HCN1: variants seen among roughly 807,000 people sequenced by gnomAD.
The protein encoded by HCN1 is potassium/sodium hyperpolarization-activated cyclic nucleotide-gated channel 1.
A neutral mutation model predicts 78.9 loss-of-function variants in HCN1; 13 were observed. The observed-to-expected ratio is 0.16, with a 90% CI of 0.11 to 0.26. The LOEUF (loss-of-function observed/expected upper bound fraction) is 0.26. HCN1 is among the 10% of genes least tolerant of loss of function. The pLI, the probability that HCN1 is intolerant of heterozygous loss-of-function variation, is 1.00. For synonymous variants in HCN1, 552 were observed against 455.5 expected (o/e 1.21, Z -2.70); for missense variants, 810 against 1,154.3 (o/e 0.70, Z 4.32).
chr5:45,651,125 C>A (rs1745669344), intron 1 of HCN1, among the ~76,000 whole-genome samples: 1 of 151,950 alleles, frequency 6.6e-6, no homozygotes, highest in Non-Finnish European at 1.5e-5. Context: ...TGACACGGTA[C>A]CAGATTTACA....
At chr5:45,466,248 C>T (rs1741268629) in intron 2 of HCN1, among the ~76,000 whole-genome samples, 2 of 152,110 alleles carry the variant, frequency 1.3e-5, no homozygotes, top group South Asian at 4.1e-4. Context: ...AATCTAATAG[C>T]TTGTATATAA....
At chr5:45,686,645 G>C (rs1739814864) in intron 1 of HCN1, among the ~76,000 whole-genome samples, 1 of 152,064 alleles carries the variant, frequency 6.6e-6, no homozygotes, top group South Asian at 2.1e-4. Flanking sequence ...AGTTAATAAA[G>C]TTCTTTTGTT....
intron 5 of HCN1, among the ~76,000 whole-genome samples, chr5:45,348,279 G>A (rs1056294201): frequency 6.6e-6 from 1 of 152,070 alleles, no homozygotes; most frequent in African/African-American, 2.4e-5. Context: ...CTTCATAAGT[G>A]AAGGAGAAAT....
chr5:45,424,126 A>C (rs1221265688), intron 3 of HCN1, among the ~76,000 whole-genome samples: 46 of 148,334 alleles, frequency 3.1e-4, no homozygotes, highest in Admixed American at 6.0e-4. Context: ...ATCCAAAAAA[A>C]AAAAAAAAAA....
chr5:45,427,367 G>A (rs1740373359), intron 3 of HCN1, among the ~76,000 whole-genome samples: 1 of 151,866 alleles, frequency 6.6e-6, no homozygotes, highest in African/African-American at 2.4e-5. Context: ...ATGACAAGTG[G>A]TACCAAATCC....
At chr5:45,496,666 C>A (rs1372214332) in intron 2 of HCN1, among the ~76,000 whole-genome samples, 1 of 152,066 alleles carries the variant, frequency 6.6e-6, no homozygotes, top group Non-Finnish European at 1.5e-5. Flanking sequence ...CTCCTGGATT[C>A]ATTAATTTTT....
chr5:45,568,175 TTTCTC>T (rs2111896538), intron 2 of HCN1, among the ~76,000 whole-genome samples: 1 of 152,202 alleles, frequency 6.6e-6, no homozygotes, highest in East Asian at 1.9e-4. Context: ...TTAAGAGTAT[TTTCTC>T]TTTCTTGAGC....
chr5:45,324,217 C>A (rs1210314016), intron 5 of HCN1, among the ~76,000 whole-genome samples: 1 of 151,780 alleles, frequency 6.6e-6, no homozygotes, highest in Non-Finnish European at 1.5e-5. Flanking sequence ...AGTGAAGAGG[C>A]AACCTACAGA....
intron 2 of HCN1, among the ~76,000 whole-genome samples, chr5:45,481,210 C>A (rs980985257): frequency 6.6e-6 from 1 of 152,212 alleles, no homozygotes; most frequent in Admixed American, 6.5e-5. Flanking sequence ...TAAAGCCATG[C>A]ACTGGCAGAA....
intron 2 of HCN1, among the ~76,000 whole-genome samples, chr5:45,555,065 T>G (rs929426052): frequency 1.3e-5 from 2 of 151,588 alleles, no homozygotes; most frequent in South Asian, 4.1e-4. Context: ...AGACAAGAAA[T>G]AAATAAGGGG....
intron 1 of HCN1, among the ~76,000 whole-genome samples, chr5:45,648,035 A>G (rs1745584747): frequency 6.6e-6 from 1 of 152,188 alleles, no homozygotes; most frequent in Non-Finnish European, 1.5e-5. Context: ...AGATTATTAC[A>G]GAGCCAAATA....
rs144468366 is a variant in HCN1 at position 45,296,299 on chromosome 5, A to C, written c.1618+7300T>G. On this transcript the variant is annotated intron_variant, in intron 6 of 7. Transcript: ENST00000303230. ...ATCATACAAGGTAAAATTTCAGATC[A>C]CAATGAACTAAACTAGAAACCAACA... Among the ~76,000 whole-genome samples the C allele has an allele frequency of 6.8e-4, 103 of 152,164 alleles. 1 individual carries two copies. The East Asian group carries it at 0.012, about 18-fold the overall frequency.
chr5:45,454,869 C>A (rs1487972000), intron 3 of HCN1, among the ~76,000 whole-genome samples: 2 of 151,674 alleles, frequency 1.3e-5, no homozygotes, highest in Admixed American at 1.3e-4. Context: ...TGCTTTTTTT[C>A]CAAATTATTT....
intron 4 of HCN1, among the ~76,000 whole-genome samples, chr5:45,375,442 G>T (rs12517566): frequency 1.3e-4 from 14 of 106,790 alleles, no homozygotes; most frequent in Admixed American, 3.8e-4. Flanking sequence ...TTATATATAA[G>T]ATCATATTTT....
intron 5 of HCN1, among the ~76,000 whole-genome samples, chr5:45,330,381 T>C (rs1459603973): frequency 6.6e-6 from 1 of 151,120 alleles, no homozygotes; most frequent in Non-Finnish European, 1.5e-5. Context: ...TATTTTTGTA[T>C]GACAAATAAA....
Position 45,616,658 on chromosome 5 carries a change from T to C in HCN1, c.849+28527A>G, listed in dbSNP as rs149289844. Among the ~76,000 whole-genome samples, 141 of 152,076 alleles carry C rather than the reference T, an allele frequency of 9.3e-4. No individual in the cohort carries two copies. The East Asian group carries it at 0.02, about 22-fold the overall frequency. On this transcript the variant is annotated intron_variant, in intron 2 of 7. Transcript: ENST00000303230. ...ACCATAATCTTTGTTTTACATTACATTGAAGATCCAGGAAAAGAAGAAAGA... is the reference window on the plus strand; with the variant it reads ...ACCATAATCTTTGTTTTACATTACACTGAAGATCCAGGAAAAGAAGAAAGA...
intron 2 of HCN1, among the ~76,000 whole-genome samples, chr5:45,568,472 TTTC>T (rs1248378976): frequency 6.6e-6 from 1 of 152,114 alleles, no homozygotes; most frequent in Non-Finnish European, 1.5e-5. Context: ...TGTGCCTTAG[TTTC>T]TTCATCATTT....
chr5:45,386,891 A>T (rs1278460505), intron 4 of HCN1, among the ~76,000 whole-genome samples: 3 of 152,118 alleles, frequency 2.0e-5, no homozygotes, highest in Non-Finnish European at 4.4e-5. Context: ...CTTTTCCAAA[A>T]TTGCTAAAGT....
intron 2 of HCN1, among the ~76,000 whole-genome samples, chr5:45,464,567 T>C (rs1477703404): frequency 6.6e-6 from 1 of 152,198 alleles, no homozygotes; most frequent in Non-Finnish European, 1.5e-5. Context: ...GCAAGTTGGG[T>C]ATTTTTACAC....
Sources: gnomAD v4.1 joint callset for allele counts (sites outside exome capture counted in the v4.1 genomes callset) on GRCh38, gnomAD v4.1.1 for gene constraint, MANE v1.5 for transcripts, NCBI Gene and HGNC (gene_info 2026-07-23, HGNC 2026-07-21) for gene names.